NAALADL2: variants seen among roughly 807,000 people sequenced by gnomAD.
NAALADL2 encodes the protein inactive N-acetylated-alpha-linked acidic dipeptidase-like protein 2.
A neutral mutation model predicts 87.2 loss-of-function variants in NAALADL2; 76 were observed. That is an observed-to-expected ratio of 0.87 (90% CI 0.72 to 1.05). The LOEUF is 1.05. Among genes scored for constraint, NAALADL2 ranks in the 50% least tolerant of loss-of-function variants. NAALADL2 has a pLI of 0.00. For missense variants in NAALADL2, 1,089 were observed against 945.8 expected, an observed-to-expected ratio of 1.15 and a Z score of -1.99; for synonymous variants, 354 against 331.0, an observed-to-expected ratio of 1.07 and a Z score of -0.75.
intron 11 of NAALADL2, among the ~76,000 whole-genome samples, chr3:175,707,753 A>G (rs6762094): frequency 0.015 from 2,270 of 152,216 alleles, 52 homozygotes; most frequent in African/African-American, 0.052. Context: ...CTGAAATACT[A>G]AAGTTCAGAA....
intron 1 of NAALADL2, among the ~76,000 whole-genome samples, chr3:175,074,406 C>T (rs1042057987): frequency 4.6e-5 from 7 of 152,016 alleles, no homozygotes; most frequent in South Asian, 2.1e-4. Flanking sequence ...AAATATAAGA[C>T]GTTAAAGTTA....
chr3:174,468,138 C>T (rs761783076), intron 1 of NAALADL2, among the ~76,000 whole-genome samples: 12 of 152,116 alleles, frequency 7.9e-5, no homozygotes, highest in African/African-American at 1.9e-4. Flanking sequence ...ATCAGGTAGG[C>T]GGTTTTGTTC....
At chr3:174,495,632 A>G (rs1018104612) in intron 1 of NAALADL2, among the ~76,000 whole-genome samples, 3 of 149,828 alleles carry the variant, frequency 2.0e-5, no homozygotes, top group Non-Finnish European at 4.4e-5. Flanking sequence ...AACGAAGGGC[A>G]ATGTAAATGG....
At chr3:175,593,326 TG>T (rs1332992915) in intron 10 of NAALADL2, among the ~76,000 whole-genome samples, 4 of 152,204 alleles carry the variant, frequency 2.6e-5, no homozygotes, top group African/African-American at 9.6e-5. Flanking sequence ...TGCCTTGAAG[TG>T]GTTTATGTTT....
intron 2 of NAALADL2, among the ~76,000 whole-genome samples, chr3:174,626,532 G>A (rs1721594644): frequency 6.6e-6 from 1 of 151,530 alleles, no homozygotes; most frequent in African/African-American, 2.4e-5. Flanking sequence ...CTGTCTGTCG[G>A]GTGTGCTCAT....
intron 11 of NAALADL2, among the ~76,000 whole-genome samples, chr3:175,671,123 G>T (rs1007916559): frequency 4.6e-5 from 7 of 151,474 alleles, no homozygotes; most frequent in African/African-American, 1.7e-4. Flanking sequence ...AACAAATCAT[G>T]ACTTAAGTCA....
chr3:175,364,045 G>C (rs1440637568), intron 5 of NAALADL2, among the ~76,000 whole-genome samples: 2 of 147,726 alleles, frequency 1.4e-5, no homozygotes, highest in Non-Finnish European at 3.0e-5. Flanking sequence ...TCTGGTAGCT[G>C]TATTTCAGAG....
At chr3:174,533,503 C>T (rs1721434729) in intron 1 of NAALADL2, among the ~76,000 whole-genome samples, 1 of 151,992 alleles carries the variant, frequency 6.6e-6, no homozygotes, top group African/African-American at 2.4e-5. Flanking sequence ...CAAGGGTAGT[C>T]TAGTCTTCTT....
At chr3:175,171,746 G>C (rs559645967) in intron 2 of NAALADL2, among the ~76,000 whole-genome samples, 6 of 152,006 alleles carry the variant, frequency 3.9e-5, no homozygotes, top group African/African-American at 1.2e-4. Flanking sequence ...ATATGAAATC[G>C]TGTCATTTAC....
chr3:175,786,884 G>T (rs1266305050), intron 13 of NAALADL2, among the ~76,000 whole-genome samples: 1 of 152,122 alleles, frequency 6.6e-6, no homozygotes, highest in Non-Finnish European at 1.5e-5. Flanking sequence ...GTACAGATGG[G>T]TTTTTGGTGT....
chr3:175,227,468 C>G (rs754692669), intron 2 of NAALADL2, among the ~76,000 whole-genome samples: 25 of 152,004 alleles, frequency 1.6e-4, no homozygotes, highest in Non-Finnish European at 8.8e-5. Context: ...CAGTAAAACA[C>G]TCTGTCAAAT....
intron 1 of NAALADL2, among the ~76,000 whole-genome samples, chr3:174,987,796 A>ATATATATATATATATT (rs1579884163): frequency 8.5e-4 from 112 of 131,768 alleles, no homozygotes; most frequent in African/African-American, 3.5e-3. Context: ...CTGGTTAATT[A>ATATATATATATATATT]TATATATATA....
At chr3:175,536,476 A>G (rs1381951183) in intron 9 of NAALADL2, among the ~76,000 whole-genome samples, 1 of 152,168 alleles carries the variant, frequency 6.6e-6, no homozygotes, top group Non-Finnish European at 1.5e-5. Context: ...GCCTAATTTT[A>G]TAATGTATTT....
chr3:175,177,609 C>T (rs936128526), intron 2 of NAALADL2, among the ~76,000 whole-genome samples: 3 of 151,988 alleles, frequency 2.0e-5, no homozygotes, highest in Non-Finnish European at 4.4e-5. Context: ...TTGTTACAAA[C>T]CATAAAAATG....
intron 1 of NAALADL2, among the ~76,000 whole-genome samples, chr3:174,500,723 A>T (rs1043778837): frequency 6.6e-6 from 1 of 152,096 alleles, no homozygotes; most frequent in Non-Finnish European, 1.5e-5. Context: ...CATTGAAATG[A>T]TCATGTTTTT....
chr3:174,616,690 A>G (rs968810128), intron 2 of NAALADL2, among the ~76,000 whole-genome samples: 2 of 151,918 alleles, frequency 1.3e-5, no homozygotes, highest in African/African-American at 4.8e-5. Context: ...AACAGCTAAA[A>G]AAACTTGATA....
At chr3:174,556,609 T>G (rs1408466336) in intron 2 of NAALADL2, among the ~76,000 whole-genome samples, 1 of 152,220 alleles carries the variant, frequency 6.6e-6, no homozygotes, top group Non-Finnish European at 1.5e-5. Flanking sequence ...ACACAACTTA[T>G]AGAATTGTGT....
rs551881583 is a variant in NAALADL2, at chr3:175,783,591, G to C, written c.2190-19414G>C. 3.0e-4 allele frequency among the ~76,000 whole-genome samples: 45 copies of C among 152,136 alleles called. No homozygotes were observed. In the South Asian group the frequency reaches 5.4e-3, roughly 18 times the overall value. ...TTGCTGAAGTTGCTTATCAGCTTAA[G>C]GAGATTTTGGGCTGAGACATTGGGG... On this transcript the variant is annotated intron_variant, in intron 13 of 13. Coordinates refer to ENST00000454872, the MANE Select transcript of NAALADL2 (RefSeq NM_207015.3).
In NAALADL2 at chr3:175,627,375, A is replaced by G. The variant is rs1179980627; in HGVS notation, c.1885A>G (p.Thr629Ala). 6.4e-7 allele frequency: 1 copy of G among 1,553,610 alleles called. No homozygotes were observed. Among genetic ancestry groups the G allele is most frequent in the Non-Finnish European group, 8.7e-7 (1 of 1,145,142 alleles). ...EMDPSFNLHE[T>A]ITKLSGEVIL... Reference sequence around the variant, plus strand: ...GGATCCCTCTTTCAACCTTCATGAAACCATTACTAAGGTAGGGGAGAAATG... The same window carrying G: ...GGATCCCTCTTTCAACCTTCATGAAGCCATTACTAAGGTAGGGGAGAAATG... The change falls in exon 11 of 14, where the codon ACC becomes GCC. Residue 629 changes from threonine (T) to alanine (A), a missense_variant. Transcript: ENST00000454872.
Sources: allele counts gnomAD v4.1 joint callset (sites outside exome capture counted in the v4.1 genomes callset), GRCh38; gene constraint gnomAD v4.1.1; transcripts MANE v1.5; gene names NCBI Gene and HGNC (gene_info 2026-07-23, HGNC 2026-07-21).